The following ADGRV1 variants were observed in gnomAD, a reference collection of about 807,000 sequenced individuals.
The protein encoded by ADGRV1 is adhesion G protein-coupled receptor V1, also known as G-protein coupled receptor 98.
In ADGRV1, 359 loss-of-function variants were observed where a neutral mutation model predicts 596.2. That is an observed-to-expected ratio of 0.60 (90% CI 0.55 to 0.66). The LOEUF is 0.66. Ranked by LOEUF, ADGRV1 falls within the 30% of genes least tolerant of loss-of-function variation. ADGRV1 has a pLI of 0.00. For synonymous variants in ADGRV1, 2,681 were observed against 2,679.2 expected, an observed-to-expected ratio of 1.00 and a Z score of -0.02; for missense variants, 7,274 against 7,575.6, an observed-to-expected ratio of 0.96 and a Z score of 1.48.
rs886284278 is a variant in ADGRV1 at position 90,759,395 on chromosome 5, C to T, written c.11941-14C>T. ...TCCTCCCTCTCTTTCTCCCTTCCTT[C>T]CTTTCTTTCATAGGTTACTGCAATG... On this transcript the variant is annotated splice_polypyrimidine_tract_variant and intron_variant, in intron 57 of 89. Coordinates refer to ENST00000405460, the MANE Select transcript of ADGRV1 (RefSeq NM_032119.4). 3 of 1,525,866 alleles carry T rather than the reference C, an allele frequency of 2.0e-6. No homozygotes were observed. The African/African-American group carries it at 4.1e-5, about 21-fold the overall frequency. 94.5% of individuals were successfully genotyped at this position (1,525,866 alleles called of 1,614,324 possible).
chr5:90,862,360 A>T (rs1304975887), intron 82 of ADGRV1, among the ~76,000 whole-genome samples: 1 of 148,682 alleles, frequency 6.7e-6, no homozygotes, highest in Non-Finnish European at 1.5e-5. Flanking sequence ...TATTACTCAC[A>T]CACACACACA....
chr5:90,947,305 C>T (rs890748990), intron 83 of ADGRV1, among the ~76,000 whole-genome samples: 17 of 146,814 alleles, frequency 1.2e-4, no homozygotes, highest in African/African-American at 4.1e-4. Context: ...AGTGTCTGTT[C>T]GTGTCCTTTG....
intron 87 of ADGRV1, among the ~76,000 whole-genome samples, chr5:91,139,922 T>C (rs981113095): frequency 3.9e-4 from 60 of 152,246 alleles, no homozygotes; most frequent in African/African-American, 1.4e-3. Flanking sequence ...CCTGATATAG[T>C]TGTGGCTGTC....
intron 83 of ADGRV1, among the ~76,000 whole-genome samples, chr5:90,947,803 A>G (rs1032335847): frequency 2.0e-5 from 3 of 152,156 alleles, no homozygotes; most frequent in African/African-American, 4.8e-5. Flanking sequence ...CACATGTCCT[A>G]TCTCCCTATA....
At chr5:90,857,703 A>T (rs1324012928) in intron 82 of ADGRV1, among the ~76,000 whole-genome samples, 1 of 152,198 alleles carries the variant, frequency 6.6e-6, no homozygotes. Flanking sequence ...TTGTCTTTGT[A>T]CCTCAGTTTC....
intron 84 of ADGRV1, among the ~76,000 whole-genome samples, chr5:90,972,960 C>T: frequency 6.6e-6 from 1 of 151,780 alleles, no homozygotes; most frequent in Non-Finnish European, 1.5e-5. Flanking sequence ...ACTAGCAAGA[C>T]TAATAAAGAA....
chr5:90,648,434 G>A (rs910739822), intron 17 of ADGRV1, among the ~76,000 whole-genome samples: 2 of 152,046 alleles, frequency 1.3e-5, no homozygotes, highest in East Asian at 3.9e-4. Context: ...TGAGAGTAAG[G>A]TAAAGACATG....
chr5:91,032,720 A>G (rs689544), intron 85 of ADGRV1, among the ~76,000 whole-genome samples: 52,928 of 151,904 alleles, frequency 0.35, 9,478 homozygotes, highest in East Asian at 0.51. Context: ...GGATTTGTAA[A>G]TGTTACTTTA....
intron 83 of ADGRV1, among the ~76,000 whole-genome samples, chr5:90,926,501 T>C (rs1311189659): frequency 5.6e-4 from 85 of 150,680 alleles, no homozygotes; most frequent in Admixed American, 6.6e-4. Context: ...TTTTTTATTG[T>C]GTCTATTTGA....
intron 1 of ADGRV1, among the ~76,000 whole-genome samples, chr5:90,567,047 T>G (rs1018463628): frequency 2.6e-5 from 4 of 152,164 alleles, no homozygotes; most frequent in Non-Finnish European, 5.9e-5. Context: ...TTTGTGTCTT[T>G]TGAGATGATC....
At chr5:90,897,922 G>A (rs1262185435) in intron 83 of ADGRV1, among the ~76,000 whole-genome samples, 1 of 152,154 alleles carries the variant, frequency 6.6e-6, no homozygotes, top group African/African-American at 2.4e-5. Context: ...AGAGGGTGTT[G>A]TGCCCTGTCA....
chr5:90,994,657 A>C (rs567105862), intron 85 of ADGRV1, among the ~76,000 whole-genome samples: 1 of 152,148 alleles, frequency 6.6e-6, no homozygotes, highest in Non-Finnish European at 1.5e-5. Context: ...TGGACATTCT[A>C]TGTGGAAATT....
chr5:90,784,888 A>G (rs1036636693), intron 67 of ADGRV1, among the ~76,000 whole-genome samples: 4 of 152,180 alleles, frequency 2.6e-5, no homozygotes, highest in Non-Finnish European at 5.9e-5. Context: ...CAAGCTACCA[A>G]TGACTTTCTT....
At chr5:90,648,261 T>A (rs572475240) in intron 17 of ADGRV1, among the ~76,000 whole-genome samples, 1 of 152,330 alleles carries the variant, frequency 6.6e-6, no homozygotes, top group East Asian at 1.9e-4. Context: ...GATGTGTTCG[T>A]CCTTCTCCAT....
At chr5:90,743,664 G>T (rs10452488) in intron 50 of ADGRV1, among the ~76,000 whole-genome samples, 5 of 151,504 alleles carry the variant, frequency 3.3e-5, no homozygotes, top group African/African-American at 1.2e-4. Context: ...GTAGAAACAG[G>T]GTTTCACCAT....
At chr5:90,943,321 A>T (rs954475918) in intron 83 of ADGRV1, among the ~76,000 whole-genome samples, 1 of 152,154 alleles carries the variant, frequency 6.6e-6, no homozygotes, top group East Asian at 1.9e-4. Context: ...TCTTACAATC[A>T]GAAGACTTGG....
intron 11 of ADGRV1, among the ~76,000 whole-genome samples, chr5:90,638,770 C>T (rs1271794790): frequency 6.6e-6 from 1 of 152,014 alleles, no homozygotes; most frequent in Non-Finnish European, 1.5e-5. Context: ...TTACATTATT[C>T]AGGACTAAAG....
intron 1 of ADGRV1, among the ~76,000 whole-genome samples, chr5:90,565,237 C>CA (rs968051942): frequency 6.6e-6 from 1 of 151,146 alleles, no homozygotes; most frequent in Non-Finnish European, 1.5e-5. Context: ...AACTCCATCT[C>CA]AAAAAAAAAG....
intron 87 of ADGRV1, among the ~76,000 whole-genome samples, chr5:91,142,703 T>A (rs180821370): frequency 3.3e-5 from 5 of 152,372 alleles, no homozygotes; most frequent in Non-Finnish European, 7.3e-5. Flanking sequence ...TCTCCTGTAC[T>A]TATTTTACTC....
Sources: allele counts gnomAD v4.1 joint callset (sites outside exome capture counted in the v4.1 genomes callset), GRCh38; gene constraint gnomAD v4.1.1; transcripts MANE v1.5; gene names NCBI Gene and HGNC (gene_info 2026-07-23, HGNC 2026-07-21).